Variants in PGM2 observed in about 807,000 individuals in gnomAD.
PGM2 encodes the protein phosphopentomutase.
PGM2 carries 57 observed loss-of-function variants against 74.6 expected under a neutral mutation model. The observed-to-expected ratio is 0.76, with a 90% CI of 0.62 to 0.95. The LOEUF (loss-of-function observed/expected upper bound fraction) is 0.95, where lower values mean the gene tolerates loss of function less well. PGM2 is among the 40% of genes least tolerant of loss of function. The probability of loss-of-function intolerance (pLI) is 0.00; values close to 1 mark genes in which losing one functional copy is unlikely to be tolerated. For missense variants in PGM2, 706 were observed against 741.9 expected (o/e 0.95, Z 0.56); for synonymous variants, 273 against 260.7 (o/e 1.05, Z -0.46).
rs1055639587 is a variant in PGM2, at chr4:37,862,637, T to C, written c.*1025T>C. On this transcript the variant is annotated 3_prime_UTR_variant, in exon 14 of 14. Transcript: ENST00000381967. ...ATGAGCTAGGATCAAACTTTCTTTA[T>C]ATACTTTATATATTTTACATTATTT... 6.6e-6 allele frequency: 1 copy of C among 152,144 alleles called. No individual in the cohort carries two copies. The highest frequency in any genetic ancestry group is 1.5e-5 in the Non-Finnish European group (1 of 68,016). 9.4% of individuals were successfully genotyped at this position (152,144 alleles called of 1,614,324 possible).
chr4:37,847,226 A>T lies in PGM2; in HGVS notation c.1213A>T (p.Met405Leu). The T allele has an allele frequency of 6.2e-7, 1 of 1,613,840 alleles. No individual in the cohort carries two copies. Among genetic ancestry groups the T allele is most frequent in the Non-Finnish European group, 8.5e-7 (1 of 1,179,758 alleles). Residue 405 changes from methionine (M) to leucine (L), a missense_variant, in exon 10 of 14, where the codon ATG becomes TTG. Transcript: ENST00000381967. ...FEETLTGFKW[M>L]GNRAKQLIDQ... Reference sequence around the variant, plus strand: ...GGAAACATTAACTGGCTTTAAGTGGATGGGAAACAGAGCCAAACAGCTAAT... The same window carrying T: ...GGAAACATTAACTGGCTTTAAGTGGTTGGGAAACAGAGCCAAACAGCTAAT...
chr4:37,848,676 A>T (rs762514322), intron 11 of PGM2, 25 bp downstream of exon 11: 6 of 1,544,814 alleles, frequency 3.9e-6, no homozygotes, highest in Middle Eastern at 1.7e-4. Context: ...ACTCTGTTGG[A>T]TTGAAATAAT....
At chr4:37,853,591 G>A (rs1726110690) in intron 12 of PGM2, among the ~76,000 whole-genome samples, 2 of 152,130 alleles carry the variant, frequency 1.3e-5, no homozygotes, top group African/African-American at 4.8e-5. Flanking sequence ...CTGATTGGAA[G>A]CTCTGTGTAC....
chr4:37,850,616 C>G (rs1726014658), intron 12 of PGM2, among the ~76,000 whole-genome samples: 1 of 151,980 alleles, frequency 6.6e-6, no homozygotes, highest in Non-Finnish European at 1.5e-5. Flanking sequence ...GCCTGGCCAA[C>G]ACGGCAAAAC....
chr4:37,852,503 A>T (rs1477788665), intron 12 of PGM2, among the ~76,000 whole-genome samples: 1 of 121,838 alleles, frequency 8.2e-6, no homozygotes, highest in Non-Finnish European at 1.9e-5. Context: ...CCTAGATCAC[A>T]TCCTCTAATA....
At chr4:37,860,568 A>G (rs1023406391) in intron 13 of PGM2, among the ~76,000 whole-genome samples, 5 of 152,264 alleles carry the variant, frequency 3.3e-5, no homozygotes, top group South Asian at 2.1e-4. Context: ...TTTAGCTATT[A>G]CAGTACTGTT....
chr4:37,844,612 C>G, intron 7 of PGM2, 59 bp downstream of exon 7: 1 of 1,003,560 alleles, frequency 1.0e-6, no homozygotes, highest in South Asian at 1.5e-5. Flanking sequence ...CTATTACTGT[C>G]AAGTAAAATA....
rs190080936 is a variant in PGM2, at chr4:37,846,590, G to A, written c.1008-341G>A. On this transcript the variant is annotated intron_variant, in intron 8 of 13. Coordinates refer to ENST00000381967, the MANE Select transcript of PGM2 (RefSeq NM_018290.4). Reference sequence around the variant, plus strand: ...ATAGCAAAACTTACTCTATATATGGGGGATCTTGCCAGCATATTTGTTATA... The same window carrying A: ...ATAGCAAAACTTACTCTATATATGGAGGATCTTGCCAGCATATTTGTTATA... Among the ~76,000 whole-genome samples, 4 of 152,240 alleles carry A rather than the reference G, an allele frequency of 2.6e-5. No homozygotes were observed. The East Asian group carries it at 7.7e-4, about 29-fold the overall frequency.
chr4:37,859,845 A>G (rs1577686089), intron 13 of PGM2, among the ~76,000 whole-genome samples: 1 of 152,210 alleles, frequency 6.6e-6, no homozygotes, highest in South Asian at 2.1e-4. Flanking sequence ...AGATCCATCT[A>G]GATTCTTTTC....
At chr4:37,850,082 C>G (rs1367396389) in intron 11 of PGM2, 102 bp from the exon 12 acceptor site, 2 of 672,326 alleles carry the variant, frequency 3.0e-6, no homozygotes, top group East Asian at 3.1e-5. Context: ...CCCACCACAC[C>G]CAGCCATATT....
At chr4:37,850,468 G>A in intron 12 of PGM2, 95 bp downstream of exon 12, 1 of 760,220 alleles carries the variant, frequency 1.3e-6, no homozygotes, top group Non-Finnish European at 2.0e-6. Flanking sequence ...AATTGAAGCT[G>A]ATTTTAGGCA....
intron 11 of PGM2, among the ~76,000 whole-genome samples, chr4:37,848,955 A>G: frequency 6.6e-6 from 1 of 151,972 alleles, no homozygotes; most frequent in East Asian, 1.9e-4. Flanking sequence ...CTGTAATCCC[A>G]GCTACTCAGG....
At chr4:37,839,382 T>C in intron 4 of PGM2, 1 of 352,148 alleles carries the variant, frequency 2.8e-6, no homozygotes, top group South Asian at 2.2e-5. Context: ...CTCAAAGTGG[T>C]GGGATTACAG....
At chr4:37,831,840 A>G (rs1027100400) in intron 2 of PGM2, among the ~76,000 whole-genome samples, 3 of 152,220 alleles carry the variant, frequency 2.0e-5, no homozygotes, top group African/African-American at 7.2e-5. Context: ...AGGAGCATTG[A>G]TGTCACATTG....
chr4:37,842,549 C>CT (rs201968920), intron 6 of PGM2, among the ~76,000 whole-genome samples: 897 of 66,766 alleles, frequency 0.013, 18 homozygotes, highest in African/African-American at 0.045. Flanking sequence ...AAGAATCTTT[C>CT]TTTTTTTTCT....
At chr4:37,836,197 G>A (rs2714555) in intron 3 of PGM2, among the ~76,000 whole-genome samples, 122,456 of 152,208 alleles carry the variant, frequency 0.8, 49,505 homozygotes, top group African/African-American at 0.88. Context: ...CCTTGGAGCC[G>A]TATCATTTCC....
At chr4:37,847,738 C>G (rs1725917133) in intron 10 of PGM2, among the ~76,000 whole-genome samples, 1 of 152,066 alleles carries the variant, frequency 6.6e-6, no homozygotes, top group Non-Finnish European at 1.5e-5. Context: ...TGATACTCAC[C>G]CAAAAGGATG....
At chr4:37,837,887 A>T (rs186607489) in intron 4 of PGM2, among the ~76,000 whole-genome samples, 1 of 149,610 alleles carries the variant, frequency 6.7e-6, no homozygotes, top group Non-Finnish European at 1.5e-5. Flanking sequence ...GAGTCAGCAA[A>T]TTTTTTTTTT....
intron 12 of PGM2, among the ~76,000 whole-genome samples, chr4:37,854,160 G>T (rs1177505287): frequency 6.6e-6 from 1 of 152,124 alleles, no homozygotes; most frequent in Non-Finnish European, 1.5e-5. Flanking sequence ...TCGGTTGGCA[G>T]CCCCATCAGC....
Sources: allele counts gnomAD v4.1 joint callset (sites outside exome capture counted in the v4.1 genomes callset), GRCh38; gene constraint gnomAD v4.1.1; transcripts MANE v1.5; gene names NCBI Gene and HGNC (gene_info 2026-07-23, HGNC 2026-07-21).